Variants in PHF21B observed in about 807,000 individuals in gnomAD.
PHF21B encodes the protein PHD finger protein 4.
A neutral mutation model predicts 62.2 loss-of-function variants in PHF21B; 22 were observed. The observed-to-expected ratio is 0.35, with a 90% CI of 0.25 to 0.51. The LOEUF is 0.51. PHF21B is among the 20% of genes least tolerant of loss of function. PHF21B has a pLI of 0.97. For missense variants in PHF21B, 701 were observed against 707.9 expected, an observed-to-expected ratio of 0.99 and a Z score of 0.11; for synonymous variants, 341 against 314.7, an observed-to-expected ratio of 1.08 and a Z score of -0.88.
chr22:44,908,367 C>A (rs2071287998), intron 5 of PHF21B, among the ~76,000 whole-genome samples: 1 of 152,086 alleles, frequency 6.6e-6, no homozygotes, highest in African/African-American at 2.4e-5. Flanking sequence ...GCAGCTAACA[C>A]CCTCCTAGGT....
rs73889880 is a variant in PHF21B, at chr22:44,955,879, C to T, written c.121-35389G>A. Among the ~76,000 whole-genome samples the T allele has an allele frequency of 5.0e-3, 761 of 152,280 alleles. 8 individuals are homozygous for T. Among genetic ancestry groups the T allele is most frequent in the African/African-American group, 0.017 (727 of 41,552 alleles). On this transcript the variant is annotated intron_variant, in intron 2 of 12. Transcript: ENST00000313237. ...CTGATGTGGGTGCTTAGAATTGAGTCGGGCCATGGTCAGCACTCAAAGACG... is the reference window on the plus strand; with the variant it reads ...CTGATGTGGGTGCTTAGAATTGAGTTGGGCCATGGTCAGCACTCAAAGACG...
chr22:44,976,455 T>C (rs894756846), intron 2 of PHF21B, among the ~76,000 whole-genome samples: 21 of 152,250 alleles, frequency 1.4e-4, no homozygotes, highest in Admixed American at 8.5e-4. Context: ...CATTGACCAA[T>C]CTTTCCCTAT....
chr22:44,970,901 T>C (rs950310711), intron 2 of PHF21B: 5 of 152,376 alleles, frequency 3.3e-5, no homozygotes, highest in African/African-American at 1.2e-4. Context: ...TTCGTCTGTT[T>C]TGCCTCTATT....
Position 44,916,576 on chromosome 22 carries a change from G to A in PHF21B, c.268C>T (p.Arg90Trp), listed in dbSNP as rs995168358. ...AATGTTGGGGGCTGCTTGGGTGGCC[G>A]GTCCCGGCCCGGGGCAACGGGGAGG... ...DSLPVAPGRDRPPKQPPTFQK... is the reference protein window; with the variant it reads ...DSLPVAPGRDWPPKQPPTFQK... Residue 90 changes from arginine to tryptophan, a missense_variant, in exon 4 of 13, where the codon CGG becomes TGG. Coordinates refer to ENST00000313237, the MANE Select transcript of PHF21B (RefSeq NM_138415.5). The A allele has an allele frequency of 1.0e-5, 16 of 1,606,528 alleles. No homozygotes were observed. The highest frequency in any genetic ancestry group is 2.2e-5 in the South Asian group (2 of 91,068).
Position 44,968,307 on chromosome 22 carries a change from T to C in PHF21B, c.120+40238A>G, listed in dbSNP as rs537503451. Among the ~76,000 whole-genome samples the C allele has an allele frequency of 8.9e-4, 135 of 152,292 alleles. 1 individual carries two copies. The highest frequency in any genetic ancestry group is 3.4e-3 in the Middle Eastern group (1 of 294). On this transcript the variant is annotated intron_variant, in intron 2 of 12. Coordinates refer to ENST00000313237, the MANE Select transcript of PHF21B (RefSeq NM_138415.5). Reference sequence around the variant, plus strand: ...GGACTAAGAAATGTTTACTCTGTACTTGGTCTATGATGCAACACATATTGA... The same window carrying C: ...GGACTAAGAAATGTTTACTCTGTACCTGGTCTATGATGCAACACATATTGA...
intron 5 of PHF21B, among the ~76,000 whole-genome samples, chr22:44,900,281 C>T (rs1181540290): frequency 6.6e-6 from 1 of 152,186 alleles, no homozygotes; most frequent in Non-Finnish European, 1.5e-5. Context: ...AGCAGTTTCT[C>T]ATAAATGGCT....
chr22:44,997,631 C>T (rs534092824), intron 2 of PHF21B, among the ~76,000 whole-genome samples: 2 of 152,336 alleles, frequency 1.3e-5, no homozygotes, highest in East Asian at 3.9e-4. Context: ...GGATCATAGT[C>T]TCTAATATGT....
At chr22:44,886,879 G>A (rs550288139) in intron 10 of PHF21B, among the ~76,000 whole-genome samples, 3 of 152,174 alleles carry the variant, frequency 2.0e-5, no homozygotes, top group Admixed American at 6.5e-5. Context: ...CCCGGCCTGG[G>A]TGCAGTGGCT....
rs1003051630 is a variant in PHF21B at position 44,884,906 on chromosome 22, C to G, written c.1377+520G>C. Among the ~76,000 whole-genome samples the G allele has an allele frequency of 7.9e-5, 12 of 152,202 alleles. 3 individuals are homozygous for G. Reference sequence around the variant, plus strand: ...ACTACCATCACCATCATCACCACCACCACAACCATCATCTTCATTATCTTG... The same window carrying G: ...ACTACCATCACCATCATCACCACCAGCACAACCATCATCTTCATTATCTTG... On this transcript the variant is annotated intron_variant, in intron 12 of 12. Coordinates refer to ENST00000313237, the MANE Select transcript of PHF21B (RefSeq NM_138415.5).
intron 2 of PHF21B, among the ~76,000 whole-genome samples, chr22:44,970,050 C>T (rs556849733): frequency 1.3e-5 from 2 of 152,256 alleles, no homozygotes; most frequent in Non-Finnish European, 2.9e-5. Flanking sequence ...ACCAAGATCA[C>T]AGCTCCACGC....
intron 2 of PHF21B, among the ~76,000 whole-genome samples, chr22:44,959,453 A>G (rs1255832136): frequency 6.6e-6 from 1 of 152,184 alleles, no homozygotes; most frequent in Non-Finnish European, 1.5e-5. Context: ...AGTGGACAGT[A>G]GACACCAGTT....
intron 2 of PHF21B, among the ~76,000 whole-genome samples, chr22:44,958,655 G>A (rs915473108): frequency 8.2e-6 from 1 of 121,470 alleles, no homozygotes; most frequent in Non-Finnish European, 1.6e-5. Flanking sequence ...ACCCATGCTG[G>A]AGTGCAGTGG....
At chr22:44,920,523 G>C (rs2147312898) in intron 2 of PHF21B, 33 bp from the exon 3 acceptor site, 1 of 1,558,244 alleles carries the variant, frequency 6.4e-7, no homozygotes, top group Non-Finnish European at 8.8e-7. Flanking sequence ...GCTGAGACAG[G>C]AGGAGCAGCT....
intron 2 of PHF21B, among the ~76,000 whole-genome samples, chr22:44,983,116 C>A (rs1845440298): frequency 6.6e-6 from 1 of 152,088 alleles, no homozygotes; most frequent in Non-Finnish European, 1.5e-5. Context: ...CGCCTGTAAT[C>A]CCAGCTACTC....
At chr22:44,927,915 C>T (rs2071664193) in intron 2 of PHF21B, among the ~76,000 whole-genome samples, 1 of 152,086 alleles carries the variant, frequency 6.6e-6, no homozygotes, top group Admixed American at 6.5e-5. Flanking sequence ...CCATAACAGT[C>T]AAAGATAACT....
chr22:44,891,217 C>G, intron 8 of PHF21B, 89 bp downstream of exon 8: 1 of 1,484,000 alleles, frequency 6.7e-7, no homozygotes, highest in Non-Finnish European at 9.3e-7. Context: ...GCGGGCAGCC[C>G]TGCCCAGGCC....
chr22:44,886,803 C>T (rs967694921), intron 10 of PHF21B, among the ~76,000 whole-genome samples: 3 of 152,132 alleles, frequency 2.0e-5, no homozygotes, highest in Admixed American at 6.5e-5. Flanking sequence ...GCCTTTGATC[C>T]CCACAGAACC....
intron 2 of PHF21B, among the ~76,000 whole-genome samples, chr22:44,998,478 C>T (rs1274487258): frequency 3.3e-5 from 5 of 152,206 alleles, no homozygotes; most frequent in African/African-American, 7.2e-5. Context: ...CAACCCCGAC[C>T]GGGGCCTCAG....
At chr22:44,889,190 A>G (rs4823406) in intron 9 of PHF21B, among the ~76,000 whole-genome samples, 30,551 of 151,954 alleles carry the variant, frequency 0.2, 4,810 homozygotes, top group African/African-American at 0.44. Flanking sequence ...GAAGAAAAAC[A>G]CTGAATAAAT....
Sources: allele counts gnomAD v4.1 joint callset (sites outside exome capture counted in the v4.1 genomes callset), GRCh38; gene constraint gnomAD v4.1.1; transcripts MANE v1.5; gene names NCBI Gene and HGNC (gene_info 2026-07-23, HGNC 2026-07-21).